The following RPS6KL1 variants were observed in gnomAD, a reference collection of about 807,000 sequenced individuals.
RPS6KL1 encodes the protein ribosomal protein S6 kinase-like 1.
In RPS6KL1, 41 loss-of-function variants were observed where a neutral mutation model predicts 57.0. The observed-to-expected ratio is 0.72, with a 90% CI of 0.56 to 0.93. The LOEUF is 0.93. Ranked by LOEUF, RPS6KL1 falls within the 40% of genes least tolerant of loss-of-function variation. The pLI is 0.00. For synonymous variants in RPS6KL1, 287 were observed against 309.7 expected, an observed-to-expected ratio of 0.93 and a Z score of 0.77; for missense variants, 697 against 727.7, an observed-to-expected ratio of 0.96 and a Z score of 0.49.
intron 5 of RPS6KL1, 92 bp downstream of exon 5, chr14:74,918,421 C>T: frequency 1.1e-6 from 1 of 948,672 alleles, no homozygotes; most frequent in Non-Finnish European, 1.5e-6. Flanking sequence ...CTGCTACAGA[C>T]CTGCTTTCAG....
chr14:74,906,825 C>A lies in RPS6KL1; in HGVS notation c.*189G>T. On this transcript the variant is annotated 3_prime_UTR_variant, in exon 12 of 12. Coordinates refer to ENST00000557413, the MANE Select transcript of RPS6KL1 (RefSeq NM_031464.5). ...TTGACTGCCCCCACCTCCAGCTTTT[C>A]CAGGAGCTGGCCCTTCCTGGGTGGT... 1 of 729,782 alleles carries A rather than the reference C, an allele frequency of 1.4e-6. No homozygotes were observed. 45.2% of individuals were successfully genotyped at this position (729,782 alleles called of 1,614,324 possible). A position where few individuals can be genotyped will look rare whatever the true frequency, so the allele number is the denominator to read the frequency against.
At position 74,906,623 on chromosome 14, in the gene RPS6KL1, T is replaced by G. The variant is rs145887339; in HGVS notation, c.*391A>C. 54 of 533,104 alleles carry G rather than the reference T, an allele frequency of 1.0e-4. No homozygotes were observed. Among genetic ancestry groups the G allele is most frequent in the African/African-American group, 9.2e-4 (48 of 52,286 alleles). 33.0% of individuals were successfully genotyped at this position (533,104 alleles called of 1,614,324 possible). ...CTGAGATGAGTCTCCAGAGATGTCC[T>G]GAGTGGGGCACAACATGGCAGTGAG... is the stretch of plus-strand genomic sequence containing the variant. On this transcript the variant is annotated 3_prime_UTR_variant, in exon 12 of 12. Coordinates refer to ENST00000557413, the MANE Select transcript of RPS6KL1 (RefSeq NM_031464.5).
chr14:74,919,837 C>G lies in RPS6KL1; in HGVS notation c.390+8G>C, dbSNP rs752839983. The G allele has an allele frequency of 6.3e-7, 1 of 1,579,206 alleles. No homozygotes were observed. Among genetic ancestry groups the G allele is most frequent in the Non-Finnish European group, 8.7e-7 (1 of 1,154,812 alleles). ...GCTCAGGCCTTTGGGTGGGGGGGGT[C>G]TCCTCACCGCGCTGGGGCTGGCTCC... On this transcript the variant is annotated splice_region_variant and intron_variant, in intron 4 of 11. Transcript: ENST00000557413.
chr14:74,919,948 C>T lies in RPS6KL1; in HGVS notation c.287G>A (p.Arg96His), dbSNP rs759367848. ...GIHVDPNKER[R>H]EAVKLKITKY... is the part of the protein sequence containing the mutation. ...GGTAATTTTCAGCTTCACAGCCTCA[C>T]GTCGCTCCTTGTTGGGGTCAACTGT... Residue 96 changes from arginine (R) to histidine (H), a missense_variant, in exon 4 of 12, where the codon CGT (arginine) becomes CAT (histidine). Physicochemically the swap from Arg to His is conservative, Grantham distance 29. Coordinates refer to ENST00000557413, the MANE Select transcript of RPS6KL1 (RefSeq NM_031464.5). The T allele has an allele frequency of 2.4e-5, 38 of 1,614,106 alleles. No homozygotes were observed. The highest frequency in any genetic ancestry group is 7.7e-5 in the South Asian group (7 of 91,096).
chr14:74,918,952 G>A (rs1442787277), intron 4 of RPS6KL1, among the ~76,000 whole-genome samples: 1 of 152,254 alleles, frequency 6.6e-6, no homozygotes, highest in East Asian at 1.9e-4. Context: ...GAGGCGGGCA[G>A]ATCACTTGAG....
chr14:74,919,529 A>T (rs1313014579), intron 4 of RPS6KL1, among the ~76,000 whole-genome samples: 1 of 152,208 alleles, frequency 6.6e-6, no homozygotes, highest in Non-Finnish European at 1.5e-5. Flanking sequence ...GACACACATA[A>T]GCGTGTAAAT....
chr14:74,921,245 C>A, intron 3 of RPS6KL1, 32 bp downstream of exon 3: 1 of 915,162 alleles, frequency 1.1e-6, no homozygotes, highest in Non-Finnish European at 1.8e-6. Context: ...CCTTCCCCAC[C>A]CACCCCAGCC....
At chr14:74,919,707 A>G (rs888708204) in intron 4 of RPS6KL1, 138 bp downstream of exon 4, 3 of 906,244 alleles carry the variant, frequency 3.3e-6, no homozygotes, top group Non-Finnish European at 4.9e-6. Flanking sequence ...GCCCTGGCAC[A>G]CTCCAGCCCA....
rs752256702 is a variant in RPS6KL1, at chr14:74,911,366, G to A, written c.546C>T (p.Cys182=). ...GTFVVKSLPR[C]HMVSRERLTI... ...TCAGCCGCTCCCTGCTCACCATGTGGCACCTGGGTAGGCTCTGGGAGCAGC... is the reference window on the plus strand; with the variant it reads ...TCAGCCGCTCCCTGCTCACCATGTGACACCTGGGTAGGCTCTGGGAGCAGC... Residue 182 remains cysteine (C), a synonymous_variant, in exon 7 of 12, where the codon TGC becomes TGT. Transcript: ENST00000557413. 1 of 1,607,646 alleles carries A rather than the reference G, an allele frequency of 6.2e-7. No individual in the cohort carries two copies. Among genetic ancestry groups the A allele is most frequent in the South Asian group, 1.1e-5 (1 of 91,068 alleles).
chr14:74,907,360 A>T, intron 11 of RPS6KL1, 75 bp downstream of exon 11: 2 of 1,519,838 alleles, frequency 1.3e-6, no homozygotes, highest in Non-Finnish European at 1.8e-6. Context: ...CACGTGGTTC[A>T]GACACAGTTC....
In RPS6KL1 at chr14:74,919,893, G is replaced by A; in HGVS notation, c.342C>T (p.Phe114=). 1 of 1,613,920 alleles carries A rather than the reference G, an allele frequency of 6.2e-7. No homozygotes were observed. The highest frequency in any genetic ancestry group is 8.5e-7 in the Non-Finnish European group (1 of 1,179,972). The change falls in exon 4 of 12, where the codon TTC becomes TTT. Residue 114 remains phenylalanine, a synonymous_variant. Coordinates refer to ENST00000557413, the MANE Select transcript of RPS6KL1 (RefSeq NM_031464.5). ...TCAGCGGCCGCTGCAGGTGGCAGTTGAAGATCTCCTCTGCCCGCCGCAGGT... is the reference window on the plus strand; with the variant it reads ...TCAGCGGCCGCTGCAGGTGGCAGTTAAAGATCTCCTCTGCCCGCCGCAGGT... The part of the protein sequence containing the change: ...TKYLRRAEEI[F]NCHLQRPLSS...
At chr14:74,922,981 C>T (rs1358037008) in intron 1 of RPS6KL1, among the ~76,000 whole-genome samples, 199 bp downstream of exon 1, 1 of 152,142 alleles carries the variant, frequency 6.6e-6, no homozygotes, top group East Asian at 1.9e-4. Context: ...TGGGGGGTGC[C>T]CGGGTAGGAC....
intron 2 of RPS6KL1, 57 bp from the exon 3 acceptor site, chr14:74,921,618 AC>A: frequency 6.6e-7 from 1 of 1,522,194 alleles, no homozygotes; most frequent in African/African-American, 1.4e-5. Context: ...CCCTATCCGC[AC>A]CCCAGTTTCC....
rs12588805 is a variant in RPS6KL1 at position 74,915,919 on chromosome 14, C to T, written c.483+2594G>A. ...CCTGTCTCAGAGCCTGGCTCCTGCA[C>T]GAGGCTCAGCAAATACCCGGTGATG... On this transcript the variant is annotated intron_variant, in intron 5 of 11. Transcript: ENST00000557413. Among the ~76,000 whole-genome samples the T allele has an allele frequency of 4.3e-4, 65 of 152,332 alleles. No individual in the cohort carries two copies. The East Asian group carries it at 0.012, about 28-fold the overall frequency.
Position 74,915,089 on chromosome 14 carries a change from T to C in RPS6KL1, c.484-3248A>G, listed in dbSNP as rs906080162. On this transcript the variant is annotated intron_variant, in intron 5 of 11. Transcript: ENST00000557413. ...TGCAGCACTGTCCAATTGAACTTCT[T>C]ATCATGATGGCAGGATTATATGTCT... Among the ~76,000 whole-genome samples the C allele has an allele frequency of 2.0e-5, 3 of 152,342 alleles. No homozygotes were observed. In the East Asian group the frequency reaches 5.8e-4, roughly 29 times the overall value.
At position 74,909,870 on chromosome 14, in the gene RPS6KL1, A is replaced by G; in HGVS notation, c.943T>C (p.Ser315Pro). The part of the protein sequence containing the change: ...EPTARTSTSG[S>P]SDLPKAPGGH... ...CCTGGGGCCTTTGGAAGGTCCGAGG[A>G]GCCAGAGGTGCTGGTCCTGGCTGTG... The change falls in exon 8 of 12, where the codon TCC becomes CCC. Residue 315 changes from serine to proline, a missense_variant. Transcript: ENST00000557413. 6.2e-7 allele frequency: 1 copy of G among 1,613,726 alleles called. No homozygotes were observed. Among genetic ancestry groups the G allele is most frequent in the Middle Eastern group, 1.7e-4 (1 of 6,050 alleles).
intron 7 of RPS6KL1, chr14:74,910,834 C>T (rs1370727372): frequency 2.8e-5 from 6 of 217,680 alleles, no homozygotes; most frequent in South Asian, 7.0e-5. Context: ...CTGTGCTGTA[C>T]ATCTGGTGCA....
intron 6 of RPS6KL1, 29 bp from the exon 7 acceptor site, chr14:74,911,409 C>G (rs781166668): frequency 6.3e-7 from 1 of 1,592,838 alleles, no homozygotes; most frequent in Non-Finnish European, 8.5e-7. Flanking sequence ...GCAGATCAGC[C>G]GGGGACAGGC....
Position 74,906,782 on chromosome 14 carries a change from T to G in RPS6KL1, c.*232A>C. The G allele has an allele frequency of 1.5e-6, 1 of 683,862 alleles. No homozygotes were observed. 42.4% of individuals were successfully genotyped at this position (683,862 alleles called of 1,614,324 possible). On this transcript the variant is annotated 3_prime_UTR_variant, in exon 12 of 12. Transcript: ENST00000557413. ...TGACTGATGGGTAGATGGTTCAAGC[T>G]GCTTAGCAGGGCAAGCCTTGACTGC... is the stretch of plus-strand genomic sequence containing the variant.
Sources: allele counts gnomAD v4.1 joint callset (sites outside exome capture counted in the v4.1 genomes callset), GRCh38; gene constraint gnomAD v4.1.1; transcripts MANE v1.5; gene names NCBI Gene and HGNC (gene_info 2026-07-23, HGNC 2026-07-21).